The following DSTYK variants were observed in gnomAD, a reference collection of about 807,000 sequenced individuals.
DSTYK encodes the protein RIP-homologous kinase.
DSTYK carries 34 observed loss-of-function variants against 98.7 expected under a neutral mutation model. The observed-to-expected ratio is 0.34, with a 90% CI of 0.26 to 0.46. DSTYK has a LOEUF of 0.46. DSTYK is among the 20% of genes least tolerant of loss of function. The pLI, the probability that DSTYK is intolerant of heterozygous loss-of-function variation, is 1.00. For missense variants in DSTYK, 962 were observed against 1,181.7 expected (o/e 0.81, Z 2.73); for synonymous variants, 462 against 457.3 (o/e 1.01, Z -0.13).
chr1:205,158,730 G>A (rs541263538), intron 9 of DSTYK, among the ~76,000 whole-genome samples: 1 of 152,114 alleles, frequency 6.6e-6, no homozygotes, highest in South Asian at 2.1e-4. Context: ...TCCTTCCACT[G>A]CCCAAATTCT....
chr1:205,195,005 T>G (rs147224331), intron 1 of DSTYK, among the ~76,000 whole-genome samples: 1,664 of 151,622 alleles, frequency 0.011, 24 homozygotes, highest in African/African-American at 0.039. Flanking sequence ...TTTTTTTTTT[T>G]TTGTATAGAC....
rs144378266 is a variant in DSTYK, at chr1:205,191,159, A to C, written c.266-3353T>G. Among the ~76,000 whole-genome samples the C allele has an allele frequency of 9.8e-4, 150 of 152,354 alleles. 2 individuals are homozygous for C. The highest frequency in any genetic ancestry group is 3.4e-3 in the African/African-American group (142 of 41,584). On this transcript the variant is annotated intron_variant, in intron 1 of 12. Transcript: ENST00000367162. ...CCAGCGCAGTAGGAAAGGGTGCTGA[A>C]GTTGATCCCAGTACACTGTTAGAAG...
chr1:205,184,419 A>T (rs1159497564), intron 2 of DSTYK, among the ~76,000 whole-genome samples: 2 of 151,994 alleles, frequency 1.3e-5, no homozygotes, highest in African/African-American at 2.4e-5. Context: ...TAAAAATATA[A>T]AAATTAGTCG....
At chr1:205,204,573 G>A (rs1053424083) in intron 1 of DSTYK, among the ~76,000 whole-genome samples, 1 of 151,902 alleles carries the variant, frequency 6.6e-6, no homozygotes. Flanking sequence ...TGTAAGGCAG[G>A]TATTATCACT....
At chr1:205,160,338 C>CTT (rs368449201) in intron 7 of DSTYK, 68 bp from the exon 8 acceptor site, 1,472 of 1,137,586 alleles carry the variant, frequency 1.3e-3, no homozygotes, top group Middle Eastern at 1.5e-3. Context: ...CTGTAAGATT[C>CTT]TTTTTTTTTT....
At chr1:205,187,341 T>C in intron 2 of DSTYK, 77 bp downstream of exon 2, 9 of 1,472,188 alleles carry the variant, frequency 6.1e-6, no homozygotes, top group Non-Finnish European at 8.2e-6. Flanking sequence ...ATCATCGAAT[T>C]ACTTTTTTAG....
chr1:205,211,505 C>T lies in DSTYK; in HGVS notation c.31G>A (p.Glu11Lys). 2 of 1,570,638 alleles carry T rather than the reference C, an allele frequency of 1.3e-6. No homozygotes were observed. The highest frequency in any genetic ancestry group is 1.2e-5 in the South Asian group (1 of 86,442). MEGDGVPWGS[E>K]PVSGPGPGGG... ...CCGGGGCCGGGACCCGAGACGGGCT[C>T]GCTGCCCCATGGCACCCCGTCGCCC... Residue 11 changes from glutamate to lysine, a missense_variant, in exon 1 of 13, where the codon GAG (glutamate) becomes AAG (lysine). By Grantham distance (56) the Glu-to-Lys change is moderately conservative (BLOSUM62 1). This residue lies in a region of DSTYK where 168 missense variants were observed against 120.0 expected (regional missense o/e 1.40). Transcript: ENST00000367162.
At chr1:205,171,958 T>TATTG (rs10587197) in intron 2 of DSTYK, among the ~76,000 whole-genome samples, 118 of 151,698 alleles carry the variant, frequency 7.8e-4, no homozygotes, top group African/African-American at 2.8e-3. Flanking sequence ...GCAGCAGGTT[T>TATTG]ATTGATTGAT....
intron 1 of DSTYK, among the ~76,000 whole-genome samples, chr1:205,189,490 T>C (rs569742144): frequency 6.6e-6 from 1 of 152,236 alleles, no homozygotes; most frequent in Non-Finnish European, 1.5e-5. Context: ...TGGCACTAAC[T>C]GAAACAGTAT....
chr1:205,187,578 A>C lies in DSTYK; in HGVS notation c.494T>G (p.Leu165Arg). 2 of 1,614,188 alleles carry C rather than the reference A, an allele frequency of 1.2e-6. No homozygotes were observed. Among genetic ancestry groups the C allele is most frequent in the South Asian group, 1.1e-5 (1 of 91,082 alleles). The change falls in exon 2 of 13, where the codon CTG becomes CGG. Residue 165 changes from leucine (L) to arginine (R), a missense_variant. Leu to Arg is a moderately radical substitution (Grantham distance 102). Transcript: ENST00000367162. ...FTYGTQTRVS[L>R]ALPGQYELVH... The stretch of plus-strand genomic sequence containing the variant: ...TAGTTCATACTGTCCAGGGAGCGCC[A>C]GGCTGACCCGAGTCTGAGTCCCATA...
rs1048594891 is a variant in DSTYK at position 205,161,109 on chromosome 1, G to A, written c.1948+149C>T. On this transcript the variant is annotated intron_variant, in intron 7 of 12. Coordinates refer to ENST00000367162, the MANE Select transcript of DSTYK (RefSeq NM_015375.3). ...ATTTGAACTATATAAATAGCAGGAA[G>A]AGACTTTAGGAATTCAAAAACATCA... 3 of 995,134 alleles carry A rather than the reference G, an allele frequency of 3.0e-6. No homozygotes were observed. The Admixed American group carries it at 7.1e-5, about 24-fold the overall frequency. 61.6% of individuals were successfully genotyped at this position (995,134 alleles called of 1,614,324 possible).
At chr1:205,170,488 C>G (rs1330728923) in intron 2 of DSTYK, among the ~76,000 whole-genome samples, 3 of 152,176 alleles carry the variant, frequency 2.0e-5, no homozygotes. Flanking sequence ...TGCTTACTAT[C>G]GTAGCTCCAG....
At chr1:205,203,371 A>C (rs548881073) in intron 1 of DSTYK, among the ~76,000 whole-genome samples, 13 of 150,014 alleles carry the variant, frequency 8.7e-5, no homozygotes, top group African/African-American at 3.2e-4. Flanking sequence ...AGTCCCAGCT[A>C]CTTGGGAGGC....
At chr1:205,201,982 C>G (rs1005820930) in intron 1 of DSTYK, among the ~76,000 whole-genome samples, 11 of 151,866 alleles carry the variant, frequency 7.2e-5, no homozygotes, top group Admixed American at 1.3e-4. Flanking sequence ...ATTGCTTGAA[C>G]TTGGGAGGCA....
At position 205,211,403 on chromosome 1, in the gene DSTYK, G is replaced by A. The variant is rs763182357; in HGVS notation, c.133C>T (p.Leu45=). 4 of 1,611,326 alleles carry A rather than the reference G, an allele frequency of 2.5e-6. No individual in the cohort carries two copies. Among genetic ancestry groups the A allele is most frequent in the African/African-American group, 2.7e-5 (2 of 74,828 alleles). The part of the protein sequence containing the change: ...RRYLGRLRQN[L]RETQKFFRDI... ...CGGAAGAACTTCTGGGTCTCGCGCA[G>A]GTTCTGTCGCAGCCGTCCCAGGTAG... Residue 45 remains leucine (L), a synonymous_variant, in exon 1 of 13, where the codon CTG becomes TTG. Coordinates refer to ENST00000367162, the MANE Select transcript of DSTYK (RefSeq NM_015375.3).
intron 11 of DSTYK, 127 bp from the exon 12 acceptor site, chr1:205,148,466 ACCCT>A: frequency 8.6e-7 from 1 of 1,159,062 alleles, no homozygotes; most frequent in Non-Finnish European, 1.2e-6. Context: ...CTCAATAACA[ACCCT>A]GCCAGGTAGG....
At chr1:205,174,507 C>T (rs1478532145) in intron 2 of DSTYK, among the ~76,000 whole-genome samples, 7 of 112,188 alleles carry the variant, frequency 6.2e-5, no homozygotes, top group Non-Finnish European at 1.1e-4. Context: ...AGTGAGACTC[C>T]GTCTCCAAAA....
intron 2 of DSTYK, among the ~76,000 whole-genome samples, chr1:205,180,541 C>T (rs572977166): frequency 1.3e-5 from 2 of 152,200 alleles, no homozygotes; most frequent in African/African-American, 2.4e-5. Context: ...CTCAGCTTAC[C>T]GCAACCTCCA....
In DSTYK at chr1:205,161,161, A is replaced by C. The variant is rs184869588; in HGVS notation, c.1948+97T>G. ...TAAGGGTTTAGGCAGCTTTGCAAAG[A>C]AGCAGCTTTAGACACTAGGATTCTC... On this transcript the variant is annotated intron_variant, in intron 7 of 12. Coordinates refer to ENST00000367162, the MANE Select transcript of DSTYK (RefSeq NM_015375.3). The C allele has an allele frequency of 9.3e-4, 1,375 of 1,472,150 alleles. 5 individuals carry two copies. Among genetic ancestry groups the C allele is most frequent in the Middle Eastern group, 6.2e-3 (30 of 4,872 alleles). 91.2% of individuals were successfully genotyped at this position (1,472,150 alleles called of 1,614,324 possible). A position where few individuals can be genotyped will look rare whatever the true frequency, so the allele number is the denominator to read the frequency against.
Sources: gnomAD v4.1 joint callset for allele counts (sites outside exome capture counted in the v4.1 genomes callset) on GRCh38, gnomAD v4.1.1 for gene constraint, gnomAD v4.1.1 regional missense constraint, MANE v1.5 for transcripts, NCBI Gene and HGNC (gene_info 2026-07-23, HGNC 2026-07-21) for gene names.